Variants in RPRD1B observed in about 807,000 individuals in gnomAD.
The protein encoded by RPRD1B is regulation of nuclear pre-mRNA domain-containing protein 1B.
A neutral mutation model predicts 41.5 loss-of-function variants in RPRD1B; 11 were observed. The ratio of observed to expected loss-of-function variants is 0.27; its 90% CI spans 0.17 to 0.44. RPRD1B has a LOEUF of 0.44. Among genes scored for constraint, RPRD1B ranks in the 20% least tolerant of loss-of-function variants. The pLI is 1.00. For missense variants in RPRD1B, 248 were observed against 389.9 expected (o/e 0.64, Z 3.06); for synonymous variants, 158 against 155.6 (o/e 1.02, Z -0.12).
chr20:38,065,180 C>T (rs945938281), intron 5 of RPRD1B, among the ~76,000 whole-genome samples: 24 of 152,140 alleles, frequency 1.6e-4, no homozygotes, highest in Admixed American at 2.6e-4. Flanking sequence ...TTCATCCCCA[C>T]GTCCAAGGCT....
chr20:38,070,172 T>C (rs1044457219), intron 6 of RPRD1B: 2 of 983,460 alleles, frequency 2.0e-6, no homozygotes, highest in African/African-American at 3.5e-5. Flanking sequence ...AATTATGCTT[T>C]ATTCTGAGAT....
intron 6 of RPRD1B, among the ~76,000 whole-genome samples, chr20:38,069,623 G>A (rs2074391867): frequency 1.3e-5 from 2 of 152,202 alleles, no homozygotes; most frequent in African/African-American, 4.8e-5. Context: ...GCCTGTGCCA[G>A]CCAGATGTAC....
chr20:38,060,831 T>C (rs926693485), intron 5 of RPRD1B, among the ~76,000 whole-genome samples: 3 of 152,186 alleles, frequency 2.0e-5, no homozygotes, highest in African/African-American at 7.2e-5. Context: ...TTCTTCTTTA[T>C]TCAGATTGGA....
At chr20:38,041,967 C>T (rs1053529333) in intron 2 of RPRD1B, among the ~76,000 whole-genome samples, 2 of 152,160 alleles carry the variant, frequency 1.3e-5, no homozygotes, top group Non-Finnish European at 2.9e-5. Flanking sequence ...TTTATATAGC[C>T]TCCATGTAAG....
Position 38,092,257 on chromosome 20 carries a change from TATTA to T in RPRD1B, c.*2386_*2389del. 2.0e-6 allele frequency: 2 copies of T among 984,820 alleles called. No homozygotes were observed. Among genetic ancestry groups the T allele is most frequent in the Non-Finnish European group, 2.4e-6 (2 of 828,952 alleles). The allele number at this position is 984,820 out of a possible 1,614,324, so 61.0% of individuals were successfully genotyped here. On this transcript the variant is annotated 3_prime_UTR_variant, in exon 7 of 7. Coordinates refer to ENST00000373433, the MANE Select transcript of RPRD1B (RefSeq NM_021215.4). ...AATATTTTCAAAGCTTAAATTTGTA[TATTA>T]ATTTAGGACTATTTAGAAGTATAGG...
At chr20:38,040,730 C>T (rs932386201) in intron 2 of RPRD1B, among the ~76,000 whole-genome samples, 166 bp downstream of exon 2, 1 of 152,144 alleles carries the variant, frequency 6.6e-6, no homozygotes, top group Non-Finnish European at 1.5e-5. Context: ...CAAGAACTAT[C>T]GAGACATGTA....
chr20:38,044,693 G>T (rs1015758140), intron 2 of RPRD1B, among the ~76,000 whole-genome samples: 5 of 152,056 alleles, frequency 3.3e-5, no homozygotes, highest in Admixed American at 6.6e-5. Context: ...ATTAAGAACC[G>T]TATTGCTTGC....
intron 1 of RPRD1B, among the ~76,000 whole-genome samples, chr20:38,035,208 C>CA (rs1267874633): frequency 6.6e-6 from 1 of 152,136 alleles, no homozygotes; most frequent in Non-Finnish European, 1.5e-5. Context: ...ATGGTCTTTA[C>CA]CTTCAAGTTG....
At chr20:38,076,564 T>C (rs1600433854) in intron 6 of RPRD1B, among the ~76,000 whole-genome samples, 1 of 152,308 alleles carries the variant, frequency 6.6e-6, no homozygotes, top group East Asian at 1.9e-4. Context: ...CCATATCCAC[T>C]TCCCTTGCTG....
At chr20:38,053,508 C>A (rs17196689) in intron 3 of RPRD1B, among the ~76,000 whole-genome samples, 14,076 of 152,182 alleles carry the variant, frequency 0.092, 863 homozygotes, top group East Asian at 0.32. Context: ...GAACGCTTGC[C>A]AGTGGCCAGA....
chr20:38,081,780 G>A (rs946849273), intron 6 of RPRD1B, among the ~76,000 whole-genome samples: 6 of 152,134 alleles, frequency 3.9e-5, no homozygotes, highest in African/African-American at 1.4e-4. Flanking sequence ...GAATTGTATC[G>A]AAAGCCTTTT....
intron 2 of RPRD1B, among the ~76,000 whole-genome samples, chr20:38,047,299 C>G (rs758715177): frequency 6.6e-6 from 1 of 152,028 alleles, no homozygotes; most frequent in East Asian, 1.9e-4. Context: ...ACTAATAATT[C>G]ATAAGTGAGA....
intron 6 of RPRD1B, among the ~76,000 whole-genome samples, chr20:38,082,866 A>T (rs1181371947): frequency 5.9e-5 from 9 of 152,216 alleles, no homozygotes; most frequent in Non-Finnish European, 1.2e-4. Context: ...TAAGTAACCT[A>T]CAGACTGTCT....
intron 2 of RPRD1B, among the ~76,000 whole-genome samples, chr20:38,043,300 G>C (rs1184300069): frequency 2.0e-5 from 3 of 152,158 alleles, no homozygotes; most frequent in Admixed American, 6.5e-5. Flanking sequence ...AAGAGAAACA[G>C]AATGAAGGCT....
intron 3 of RPRD1B, among the ~76,000 whole-genome samples, chr20:38,055,499 T>C (rs1322130170): frequency 6.6e-6 from 1 of 152,144 alleles, no homozygotes; most frequent in East Asian, 1.9e-4. Flanking sequence ...GTCATTCTTT[T>C]CATCACTCCC....
chr20:38,080,541 T>C (rs1012982913), intron 6 of RPRD1B, among the ~76,000 whole-genome samples: 3 of 152,226 alleles, frequency 2.0e-5, no homozygotes, highest in Non-Finnish European at 2.9e-5. Context: ...ATTTATTTTT[T>C]TGAGTCTTGA....
chr20:38,044,206 T>C (rs1349209328), intron 2 of RPRD1B, among the ~76,000 whole-genome samples: 1 of 152,140 alleles, frequency 6.6e-6, no homozygotes, highest in Non-Finnish European at 1.5e-5. Flanking sequence ...CTCTCAGTGT[T>C]ATTCCACAAA....
chr20:38,080,783 C>T (rs1714919982), intron 6 of RPRD1B, among the ~76,000 whole-genome samples: 1 of 152,318 alleles, frequency 6.6e-6, no homozygotes, highest in Admixed American at 6.5e-5. Flanking sequence ...CCTCAGCCTC[C>T]CAAAGTGCTG....
chr20:38,090,876 G>A lies in RPRD1B; in HGVS notation c.*1001G>A, dbSNP rs1411692477. Reference sequence around the variant, plus strand: ...ACTCGAACATCACTGCAAATAGGACGCTGAGCAGGTCCGTCTGTCATGTCA... The same window carrying A: ...ACTCGAACATCACTGCAAATAGGACACTGAGCAGGTCCGTCTGTCATGTCA... On this transcript the variant is annotated 3_prime_UTR_variant, in exon 7 of 7. Coordinates refer to ENST00000373433, the MANE Select transcript of RPRD1B (RefSeq NM_021215.4). 6 of 985,030 alleles carry A rather than the reference G, an allele frequency of 6.1e-6. No individual in the cohort carries two copies. Among genetic ancestry groups the A allele is most frequent in the South Asian group, 4.7e-5 (1 of 21,286 alleles). 61.0% of individuals were successfully genotyped at this position (985,030 alleles called of 1,614,324 possible).
Sources: gnomAD v4.1 joint callset for allele counts (sites outside exome capture counted in the v4.1 genomes callset) on GRCh38, gnomAD v4.1.1 for gene constraint, MANE v1.5 for transcripts, NCBI Gene and HGNC (gene_info 2026-07-23, HGNC 2026-07-21) for gene names.